Variants in UIMC1 observed in about 807,000 individuals in gnomAD.
The protein encoded by UIMC1 is BRCA1-A complex subunit RAP80.
A neutral mutation model predicts 84.9 loss-of-function variants in UIMC1; 42 were observed. The ratio of observed to expected loss-of-function variants is 0.49; its 90% CI spans 0.39 to 0.64. The LOEUF is 0.64. Among genes scored for constraint, UIMC1 ranks in the 30% least tolerant of loss-of-function variants. The probability of loss-of-function intolerance (pLI) is 0.00; values close to 1 mark genes in which losing one functional copy is unlikely to be tolerated. For synonymous variants in UIMC1, 281 were observed against 293.0 expected, an observed-to-expected ratio of 0.96 and a Z score of 0.42; for missense variants, 825 against 847.6, an observed-to-expected ratio of 0.97 and a Z score of 0.33.
At chr5:176,968,499 T>G in intron 6 of UIMC1, 56 bp downstream of exon 6, 1 of 1,529,178 alleles carries the variant, frequency 6.5e-7, no homozygotes. Flanking sequence ...GCTAAAATAA[T>G]CCTTGTTTTA....
At chr5:176,939,074 G>A (rs1764084687) in intron 10 of UIMC1, among the ~76,000 whole-genome samples, 1 of 151,774 alleles carries the variant, frequency 6.6e-6, no homozygotes, top group Non-Finnish European at 1.5e-5. Flanking sequence ...GCAACATGGT[G>A]AGACCCTTTC....
intron 10 of UIMC1, among the ~76,000 whole-genome samples, chr5:176,915,458 ATT>A (rs554389479): frequency 3.5e-5 from 5 of 144,380 alleles, no homozygotes; most frequent in Admixed American, 6.9e-5. Flanking sequence ...ACAGTAAATA[ATT>A]TTTTTTTTTT....
chr5:176,990,679 T>C (rs1191774394), intron 1 of UIMC1, among the ~76,000 whole-genome samples: 1 of 152,130 alleles, frequency 6.6e-6, no homozygotes, highest in African/African-American at 2.4e-5. Context: ...TATATTTATG[T>C]TTTTGTTTCT....
In UIMC1 at chr5:176,979,481, T is replaced by C. The variant is rs113145642; in HGVS notation, c.147+2988A>G. Among the ~76,000 whole-genome samples the C allele has an allele frequency of 9.0e-3, 1,374 of 151,952 alleles. 22 individuals carry two copies. The highest frequency in any genetic ancestry group is 0.031 in the African/African-American group (1,284 of 41,418). On this transcript the variant is annotated intron_variant, in intron 2 of 14. Transcript: ENST00000511320. ...AATTAGCCAGGCGTGGTGGCGCCTG[T>C]AATCCCAGCTACTCAAGAGGCTGAG...
At chr5:176,976,291 G>A (rs1770060615) in intron 2 of UIMC1, among the ~76,000 whole-genome samples, 1 of 151,798 alleles carries the variant, frequency 6.6e-6, no homozygotes, top group Non-Finnish European at 1.5e-5. Flanking sequence ...TTCCAGCCTG[G>A]GAGACAAAGC....
intron 10 of UIMC1, among the ~76,000 whole-genome samples, chr5:176,922,413 T>C (rs910279694): frequency 9.2e-5 from 14 of 152,218 alleles, no homozygotes; most frequent in East Asian, 3.8e-4. Flanking sequence ...TGAGTTAAGA[T>C]TGCCTTCTCT....
rs1774706704 is a variant in UIMC1, at chr5:177,002,716, T to C, written c.-9+3934A>G. ...GAGAGGCTGAGGCAGGAGAATGGCA[T>C]GAACCCAGGAGGCGGAGCTTGCAGT... On this transcript the variant is annotated intron_variant, in intron 1 of 14. Transcript: ENST00000511320. Among the ~76,000 whole-genome samples the C allele has an allele frequency of 5.9e-5, 9 of 152,064 alleles. No individual in the cohort carries two copies. In the South Asian group the frequency reaches 1.7e-3, roughly 28 times the overall value.
At position 176,943,415 on chromosome 5, in the gene UIMC1, G is replaced by A. The variant is rs756103380; in HGVS notation, c.1517C>T (p.Pro506Leu). The A allele has an allele frequency of 1.1e-5, 18 of 1,614,034 alleles. No homozygotes were observed. Among genetic ancestry groups the A allele is most frequent in the African/African-American group, 5.3e-5 (4 of 74,912 alleles). ...TFSSSNQVSC[P>L]LCDQCFPPTK... ...GGGTGGAAAGCATTGGTCACATAGCGGGCAGGATACCTGGTTACTGGATGA... is the reference window on the plus strand; with the variant it reads ...GGGTGGAAAGCATTGGTCACATAGCAGGCAGGATACCTGGTTACTGGATGA... Residue 506 changes from proline (P) to leucine (L), a missense_variant, in exon 10 of 15, where the codon CCG (proline) becomes CTG (leucine). By Grantham distance (98) the Pro-to-Leu change is moderately conservative (BLOSUM62 -3). Transcript: ENST00000511320.
intron 1 of UIMC1, among the ~76,000 whole-genome samples, chr5:177,021,783 A>C (rs1320909812): frequency 6.6e-6 from 1 of 151,922 alleles, no homozygotes; most frequent in South Asian, 2.1e-4. Flanking sequence ...CTCCGAGTAG[A>C]TGGGATTACA....
intron 10 of UIMC1, among the ~76,000 whole-genome samples, chr5:176,934,185 A>G (rs1484058417): frequency 2.0e-5 from 3 of 152,196 alleles, no homozygotes; most frequent in Non-Finnish European, 4.4e-5. Context: ...ATATGAAAAA[A>G]TCTTAAGGTG....
intron 9 of UIMC1, 42 bp from the exon 10 acceptor site, chr5:176,943,530 A>G (rs1764711798): frequency 3.7e-6 from 6 of 1,601,162 alleles, no homozygotes; most frequent in African/African-American, 2.7e-5. Context: ...GCTTTAGTTC[A>G]TATCATTCCC....
At chr5:176,981,060 C>T (rs1770960786) in intron 2 of UIMC1, among the ~76,000 whole-genome samples, 1 of 151,874 alleles carries the variant, frequency 6.6e-6, no homozygotes, top group Non-Finnish European at 1.5e-5. Flanking sequence ...GTTTTCTTCT[C>T]TATACGCTTA....
Position 176,961,114 on chromosome 5 carries a change from C to A in UIMC1, c.1201-2960G>T, listed in dbSNP as rs553851162. Among the ~76,000 whole-genome samples the A allele has an allele frequency of 6.2e-3, 506 of 81,670 alleles. 140 individuals are homozygous for A. Among genetic ancestry groups the A allele is most frequent in the Non-Finnish European group, 8.8e-3 (387 of 44,174 alleles). 53.6% of individuals were successfully genotyped at this position (81,670 alleles called of 152,430 possible). A position where few individuals can be genotyped will look rare whatever the true frequency, so the allele number is the denominator to read the frequency against. Reference sequence around the variant, plus strand: ...CCCATCGTCTGGGATGTGAGGAGCCCCTCTGCTCGGCTGCCCAGTCTGGGA... The same window carrying A: ...CCCATCGTCTGGGATGTGAGGAGCCACTCTGCTCGGCTGCCCAGTCTGGGA... On this transcript the variant is annotated intron_variant, in intron 6 of 14. Transcript: ENST00000511320.
At chr5:176,961,997 G>A (rs1470662382) in intron 6 of UIMC1, among the ~76,000 whole-genome samples, 2 of 72,890 alleles carry the variant, frequency 2.7e-5, no homozygotes, top group African/African-American at 6.3e-5. Flanking sequence ...AGGTGGGGGG[G>A]TCAGCCCCCC....
At chr5:176,950,157 T>C (rs537182591) in intron 9 of UIMC1, among the ~76,000 whole-genome samples, 2 of 142,246 alleles carry the variant, frequency 1.4e-5, no homozygotes, top group Non-Finnish European at 3.0e-5. Flanking sequence ...TGGAGTGCAG[T>C]GGCGCGATCT....
chr5:176,983,788 G>A (rs950504186), intron 1 of UIMC1, among the ~76,000 whole-genome samples: 3 of 150,618 alleles, frequency 2.0e-5, no homozygotes, highest in Non-Finnish European at 3.0e-5. Flanking sequence ...AGGAAGTGAG[G>A]AGCCCCTGCC....
At chr5:176,945,135 G>A (rs941453236) in intron 9 of UIMC1, among the ~76,000 whole-genome samples, 2 of 152,188 alleles carry the variant, frequency 1.3e-5, no homozygotes, top group African/African-American at 4.8e-5. Flanking sequence ...TCTGGAAGCG[G>A]ATCCTGCAAG....
chr5:177,010,903 C>A (rs1355680276), upstream of UIMC1, among the ~76,000 whole-genome samples: 5 of 151,998 alleles, frequency 3.3e-5, no homozygotes, highest in Non-Finnish European at 7.4e-5. Context: ...TTTTAAGAAC[C>A]ACTACTGGGC....
intron 1 of UIMC1, among the ~76,000 whole-genome samples, chr5:177,017,670 C>CTTTTTTTTTTTTT (rs1561943710): frequency 7.0e-6 from 1 of 142,812 alleles, no homozygotes. Flanking sequence ...CCACGCTGGC[C>CTTTTTTTTTTTTT]CTTTTTTTTT....
Sources: gnomAD v4.1 joint callset for allele counts (sites outside exome capture counted in the v4.1 genomes callset) on GRCh38, gnomAD v4.1.1 for gene constraint, MANE v1.5 for transcripts, NCBI Gene and HGNC (gene_info 2026-07-23, HGNC 2026-07-21) for gene names.